ANKAR: variants seen among roughly 807,000 people sequenced by gnomAD.
The protein encoded by ANKAR is ankyrin and armadillo repeat containing.
In ANKAR, 136 loss-of-function variants were observed where a neutral mutation model predicts 146.2. That is an observed-to-expected ratio of 0.93 (90% confidence interval 0.81 to 1.07). The LOEUF is 1.07. ANKAR is among the 50% of genes least tolerant of loss of function. ANKAR has a pLI of 0.00. For synonymous variants in ANKAR, 500 were observed against 575.8 expected, an observed-to-expected ratio of 0.87 and a Z score of 1.88; for missense variants, 1,567 against 1,679.9, an observed-to-expected ratio of 0.93 and a Z score of 1.18.
intron 10 of ANKAR, 70 bp from the exon 11 acceptor site, chr2:189,719,502 C>T (rs2040986699): frequency 2.3e-6 from 3 of 1,288,668 alleles, no homozygotes; most frequent in Middle Eastern, 2.9e-4. Flanking sequence ...TAAATATTGC[C>T]ATGATAAATT....
intron 18 of ANKAR, among the ~76,000 whole-genome samples, chr2:189,756,923 T>G (rs2046173607): frequency 6.6e-6 from 1 of 152,180 alleles, no homozygotes; most frequent in African/African-American, 2.4e-5. Flanking sequence ...AAATCCAAAT[T>G]CTCTCCCTGC....
In ANKAR at chr2:189,728,816, G is replaced by C; in HGVS notation, c.3188G>C (p.Cys1063Ser). 6.2e-7 allele frequency: 1 copy of C among 1,611,654 alleles called. No homozygotes were observed. Among genetic ancestry groups the C allele is most frequent in the Non-Finnish European group, 8.5e-7 (1 of 1,178,682 alleles). ...GTCATCAGAGCAGTGGGATCCATTTGTATTGGTTTGTATACTTATTCTCAA... is the reference window on the plus strand; with the variant it reads ...GTCATCAGAGCAGTGGGATCCATTTCTATTGGTTTGTATACTTATTCTCAA... ...LSVIRAVGSI[C>S]IGVAHTSNPV... Residue 1063 changes from cysteine to serine, a missense_variant, in exon 15 of 23, where the codon TGT becomes TCT. By Grantham distance (112) the Cys-to-Ser change is moderately radical. Coordinates refer to ENST00000684021, the MANE Select transcript of ANKAR (RefSeq NM_001378068.1).
At chr2:189,690,219 G>A (rs1421491148) in intron 3 of ANKAR, among the ~76,000 whole-genome samples, 2 of 152,220 alleles carry the variant, frequency 1.3e-5, no homozygotes, top group South Asian at 2.1e-4. Flanking sequence ...TATGAATAGG[G>A]AAATATGCCA....
chr2:189,755,856 A>T (rs530025918), intron 18 of ANKAR, among the ~76,000 whole-genome samples: 38 of 152,328 alleles, frequency 2.5e-4, no homozygotes, highest in African/African-American at 8.7e-4. Context: ...AGTTTTGAGC[A>T]TGGGAAGGAC....
downstream of ANKAR, among the ~76,000 whole-genome samples, chr2:189,749,610 C>T (rs2044785603): frequency 6.6e-6 from 1 of 151,906 alleles, no homozygotes; most frequent in Non-Finnish European, 1.5e-5. Flanking sequence ...TCTCAAATAA[C>T]TGATGTGAAA....
chr2:189,708,322 T>C (rs983216642), intron 9 of ANKAR, among the ~76,000 whole-genome samples: 28 of 152,238 alleles, frequency 1.8e-4, no homozygotes, highest in African/African-American at 6.8e-4. Context: ...TTATATATTG[T>C]TGTAATCTAT....
intron 21 of ANKAR, among the ~76,000 whole-genome samples, chr2:189,744,339 T>C (rs1406951652): frequency 6.6e-6 from 1 of 152,190 alleles, no homozygotes; most frequent in Non-Finnish European, 1.5e-5. Flanking sequence ...TTCTAAATAA[T>C]TTTCATTGGT....
chr2:189,762,003 G>A (rs1301822859), downstream of ANKAR, among the ~76,000 whole-genome samples: 1 of 151,988 alleles, frequency 6.6e-6, no homozygotes, highest in Non-Finnish European at 1.5e-5. Context: ...GACAAAATGT[G>A]GATTTTCTAA....
chr2:189,745,628 G>A (rs2044046349), intron 22 of ANKAR, among the ~76,000 whole-genome samples: 1 of 152,168 alleles, frequency 6.6e-6, no homozygotes, highest in Admixed American at 6.5e-5. Context: ...TCACATATCT[G>A]CTTAGTGCTT....
At chr2:189,686,393 T>C (rs1244340362) in intron 2 of ANKAR, among the ~76,000 whole-genome samples, 1 of 152,130 alleles carries the variant, frequency 6.6e-6, no homozygotes, top group Non-Finnish European at 1.5e-5. Context: ...AAAAAGACTA[T>C]TTGACAAGAA....
At chr2:189,722,808 G>T (rs1318034572) in intron 12 of ANKAR, among the ~76,000 whole-genome samples, 2 of 151,594 alleles carry the variant, frequency 1.3e-5, no homozygotes, top group Non-Finnish European at 2.9e-5. Flanking sequence ...CTTGAAGCTG[G>T]GAGGCAGAGG....
chr2:189,739,331 A>G (rs1233142910), intron 19 of ANKAR, among the ~76,000 whole-genome samples: 1 of 152,212 alleles, frequency 6.6e-6, no homozygotes, highest in Non-Finnish European at 1.5e-5. Flanking sequence ...TTGTTTTTTA[A>G]TTAAAATGTA....
intron 20 of ANKAR, among the ~76,000 whole-genome samples, chr2:189,742,692 TAATTA>T (rs1234159502): frequency 6.6e-6 from 1 of 152,032 alleles, no homozygotes; most frequent in African/African-American, 2.4e-5. Flanking sequence ...ATAAACAAAA[TAATTA>T]AATAAGAGTT....
chr2:189,682,825 T>G (rs2034943291), intron 2 of ANKAR, among the ~76,000 whole-genome samples: 1 of 152,166 alleles, frequency 6.6e-6, no homozygotes, highest in African/African-American at 2.4e-5. Flanking sequence ...TTTTCACCAC[T>G]TGGGCAATTG....
At chr2:189,713,872 CAT>C (rs1233700755) in intron 10 of ANKAR, among the ~76,000 whole-genome samples, 3 of 152,184 alleles carry the variant, frequency 2.0e-5, no homozygotes, top group African/African-American at 4.8e-5. Flanking sequence ...AGACCCATCT[CAT>C]GTGCAGAGAC....
downstream of ANKAR, chr2:189,761,744 C>T: frequency 3.6e-6 from 5 of 1,371,016 alleles, no homozygotes; most frequent in Non-Finnish European, 4.7e-6. Context: ...TACAGAATTA[C>T]AGGAAAGTTT....
intron 2 of ANKAR, among the ~76,000 whole-genome samples, chr2:189,681,085 A>T (rs1391033470): frequency 6.6e-6 from 1 of 152,230 alleles, no homozygotes; most frequent in Admixed American, 6.5e-5. Context: ...AGGACGTGGG[A>T]CTGATGAGCC....
Position 189,755,257 on chromosome 2 carries a change from A to G in ANKAR, c.*585-5841A>G. On this transcript the variant is annotated intron_variant and NMD_transcript_variant, in intron 18 of 18. Coordinates refer to the ANKAR transcript ENST00000441800. The stretch of plus-strand genomic sequence containing the variant: ...AAACTCCTTGAACTAATGCCAACAG[A>G]CAGTGACCTCCAGAAATCAAAAGAA... 3 of 1,613,660 alleles carry G rather than the reference A, an allele frequency of 1.9e-6. No homozygotes were observed. The East Asian group carries it at 6.7e-5, about 36-fold the overall frequency.
intron 12 of ANKAR, among the ~76,000 whole-genome samples, chr2:189,725,218 T>C (rs905408775): frequency 1.3e-5 from 2 of 152,112 alleles, no homozygotes; most frequent in Admixed American, 1.3e-4. Context: ...TGTGTGTATG[T>C]ATGAGTGTGT....
Sources: allele counts gnomAD v4.1 joint callset (sites outside exome capture counted in the v4.1 genomes callset), GRCh38; gene constraint gnomAD v4.1.1; transcripts MANE v1.5; gene names NCBI Gene and HGNC (gene_info 2026-07-23, HGNC 2026-07-21).